Variants in MAP3K4 observed in about 807,000 individuals in gnomAD.
MAP3K4 encodes the protein MAP three kinase 1.
MAP3K4 carries 67 observed loss-of-function variants against 185.6 expected under a neutral mutation model. The observed-to-expected ratio is 0.36, with a 90% CI of 0.30 to 0.44. MAP3K4 has a LOEUF of 0.44. Ranked by LOEUF, MAP3K4 falls within the 20% of genes least tolerant of loss-of-function variation. The pLI is 1.00. For missense variants in MAP3K4, 1,551 were observed against 1,995.1 expected (o/e 0.78, Z 4.24); for synonymous variants, 702 against 710.4 (o/e 0.99, Z 0.19).
intron 4 of MAP3K4, among the ~76,000 whole-genome samples, chr6:161,072,741 A>G (rs1243452821): frequency 6.6e-6 from 1 of 152,180 alleles, no homozygotes; most frequent in Non-Finnish European, 1.5e-5. Context: ...GTGATCTCAT[A>G]TTACAGTCCC....
intron 2 of MAP3K4, among the ~76,000 whole-genome samples, chr6:161,046,601 T>G (rs983148493): frequency 6.6e-6 from 1 of 151,806 alleles, no homozygotes; most frequent in African/African-American, 2.4e-5. Context: ...AAACCTTTTT[T>G]GATGGATCAT....
chr6:161,018,969 A>T (rs548394793), intron 1 of MAP3K4, among the ~76,000 whole-genome samples: 2 of 152,250 alleles, frequency 1.3e-5, no homozygotes, highest in Non-Finnish European at 2.9e-5. Flanking sequence ...GAATTTAGGG[A>T]TATAGCAGTA....
chr6:161,039,198 A>C (rs1001194743), intron 2 of MAP3K4, among the ~76,000 whole-genome samples: 1 of 145,656 alleles, frequency 6.9e-6, no homozygotes. Context: ...TGCTACATGC[A>C]TTCATTGTAA....
Position 161,070,752 on chromosome 6 carries a change from G to C in MAP3K4, c.1852G>C (p.Val618Leu). 2 of 1,614,150 alleles carry C rather than the reference G, an allele frequency of 1.2e-6. No individual in the cohort carries two copies. Among genetic ancestry groups the C allele is most frequent in the Non-Finnish European group, 1.7e-6 (2 of 1,180,032 alleles). The part of the protein sequence containing the change: ...DLPSFEPAFL[V>L]LCRVLLNVIH... ...ACCTTCATTCGAACCTGCCTTCCTA[G>C]TTCTCTGCCGAGTCCTTCTGAATGT... The change falls in exon 4 of 27, where the codon GTT (valine) becomes CTT (leucine). Residue 618 changes from valine to leucine, a missense_variant. Val to Leu is a conservative substitution (Grantham distance 32). This residue lies in a region of MAP3K4 where 27 missense variants were observed against 64.4 expected (regional missense o/e 0.42). Transcript: ENST00000392142. This position sits in a 1 kb window ranked among gnomAD's most constrained non-coding sequence, Gnocchi z 4.5.
In MAP3K4 at chr6:161,000,409, A is replaced by G. The variant is rs1016092089; in HGVS notation, c.152+8326A>G. On this transcript the variant is annotated intron_variant, in intron 1 of 26. Transcript: ENST00000392142. ...AATGGAATTTTGAAGAAGCTCGGCAATACTTACTTCTTGAAGACAGCATTG... is the reference window on the plus strand; with the variant it reads ...AATGGAATTTTGAAGAAGCTCGGCAGTACTTACTTCTTGAAGACAGCATTG... Among the ~76,000 whole-genome samples the G allele has an allele frequency of 9.2e-5, 14 of 152,326 alleles. No individual in the cohort carries two copies. In the East Asian group the frequency reaches 2.7e-3, roughly 29 times the overall value.
At chr6:161,078,461 G>A (rs13194157) in intron 5 of MAP3K4, among the ~76,000 whole-genome samples, 131,367 of 152,226 alleles carry the variant, frequency 0.86, 56,796 homozygotes, top group East Asian at 0.99. Context: ...GAACAAAGGA[G>A]GGGGTTGTGA....
At position 161,096,118 on chromosome 6, in the gene MAP3K4, A is replaced by G. The variant is rs1777559652; in HGVS notation, c.3428-962A>G. ...ATGAATCAGAGACACAAATTGCCTG[A>G]GGGTTTTTTGTTAACAATCCCTTAA... On this transcript the variant is annotated intron_variant, in intron 15 of 26. Coordinates refer to ENST00000392142, the MANE Select transcript of MAP3K4 (RefSeq NM_005922.4). This position sits in a 1 kb window ranked among gnomAD's most constrained non-coding sequence, Gnocchi z 4.9. Among the ~76,000 whole-genome samples the G allele has an allele frequency of 6.6e-6, 1 of 152,072 alleles. No homozygotes were observed. Among genetic ancestry groups the G allele is most frequent in the African/African-American group, 2.4e-5 (1 of 41,406 alleles).
At chr6:161,072,977 A>T (rs1479608679) in intron 4 of MAP3K4, among the ~76,000 whole-genome samples, 2 of 152,078 alleles carry the variant, frequency 1.3e-5, no homozygotes, top group Admixed American at 1.3e-4. Flanking sequence ...TCATTATTTG[A>T]TGGTAGACTG....
chr6:161,044,951 T>A (rs748518567), intron 2 of MAP3K4, among the ~76,000 whole-genome samples: 9 of 152,076 alleles, frequency 5.9e-5, no homozygotes, highest in Non-Finnish European at 1.0e-4. Flanking sequence ...ACATCTCTCA[T>A]CAGGCCCCAC....
rs201798625 is a variant in MAP3K4 at position 161,093,047 on chromosome 6, T to C, written c.3339T>C (p.Asp1113=). 187 of 1,611,716 alleles carry C rather than the reference T, an allele frequency of 1.2e-4. No homozygotes were observed. Among genetic ancestry groups the C allele is most frequent in the Non-Finnish European group, 1.6e-4 (183 of 1,178,122 alleles). The change falls in exon 14 of 27, where the codon GAT becomes GAC. Residue 1113 remains aspartate, a synonymous_variant. Transcript: ENST00000392142. The surrounding 1 kb of genome is among the most constrained non-coding windows in gnomAD (Gnocchi z 5.2). ...EPAFISALPE[D]DFLSLQALMN... is the part of the protein sequence containing the mutation. ...CCTTTATTTCAGCTTTACCAGAAGATGACTTCTTGGTATGGATTATTCTAA... is the reference window on the plus strand; with the variant it reads ...CCTTTATTTCAGCTTTACCAGAAGACGACTTCTTGGTATGGATTATTCTAA...
rs1009726478 is a variant in MAP3K4, at chr6:161,107,671, A to G, written c.4049-228A>G. Among the ~76,000 whole-genome samples the G allele has an allele frequency of 2.0e-5, 3 of 152,208 alleles. No individual in the cohort carries two copies. The highest frequency in any genetic ancestry group is 4.4e-5 in the Non-Finnish European group (3 of 68,044). Reference sequence around the variant, plus strand: ...AATTTACCAAAGTCGGTTCTGCTCTATTTAAAGATACTTGTAGGTAAGACA... The same window carrying G: ...AATTTACCAAAGTCGGTTCTGCTCTGTTTAAAGATACTTGTAGGTAAGACA... On this transcript the variant is annotated intron_variant, in intron 20 of 26. Coordinates refer to ENST00000392142, the MANE Select transcript of MAP3K4 (RefSeq NM_005922.4). This position sits in a 1 kb window ranked among gnomAD's most constrained non-coding sequence, Gnocchi z 6.2.
intron 3 of MAP3K4, among the ~76,000 whole-genome samples, chr6:161,069,838 T>G (rs1784859783): frequency 6.6e-6 from 1 of 151,168 alleles, no homozygotes; most frequent in African/African-American, 2.4e-5. Context: ...AGAAGGTGGG[T>G]GAGGACCAAA....
In MAP3K4 at chr6:161,022,946, T is replaced by G. The variant is rs113005137; in HGVS notation, c.153-11313T>G. On this transcript the variant is annotated intron_variant, in intron 1 of 26. Transcript: ENST00000392142. The surrounding 1 kb of genome is among the most constrained non-coding windows in gnomAD (Gnocchi z 4.2). ...TGTTACAGTGAAAATTCTTCATAAC[T>G]TAATGGGTAACAAATTACAGAGCTG... Among the ~76,000 whole-genome samples, 517 of 152,292 alleles carry G rather than the reference T, an allele frequency of 3.4e-3. 4 individuals are homozygous for G. The highest frequency in any genetic ancestry group is 0.012 in the African/African-American group (493 of 41,568).
Position 161,034,402 on chromosome 6 carries a change from A to G in MAP3K4, c.296A>G (p.His99Arg). The change falls in exon 2 of 27, where the codon CAT (histidine) becomes CGT (arginine). Residue 99 changes from histidine (H) to arginine (R), a missense_variant. His to Arg is a conservative substitution (Grantham distance 29, BLOSUM62 0). Coordinates refer to ENST00000392142, the MANE Select transcript of MAP3K4 (RefSeq NM_005922.4). This position sits in a 1 kb window ranked among gnomAD's most constrained non-coding sequence, Gnocchi z 4.4. ...PRQMKRMSTK[H>R]QRNNVGRPAS... Reference sequence around the variant, plus strand: ...CAGATGAAACGCATGTCAACCAAACATCAGAGGAATAATGTGGGGAGGCCA... The same window carrying G: ...CAGATGAAACGCATGTCAACCAAACGTCAGAGGAATAATGTGGGGAGGCCA... 3.7e-6 allele frequency: 6 copies of G among 1,613,948 alleles called. No individual in the cohort carries two copies. Among genetic ancestry groups the G allele is most frequent in the Non-Finnish European group, 4.2e-6 (5 of 1,179,868 alleles).
chr6:161,091,916 G>T lies in MAP3K4; in HGVS notation c.3136-94G>T. The stretch of plus-strand genomic sequence containing the variant: ...AAATTTTAATTGGATTTCACTTTTT[G>T]TTTTTAGAAAACATTTTAGACATGG... On this transcript the variant is annotated intron_variant, in intron 12 of 26. Coordinates refer to ENST00000392142, the MANE Select transcript of MAP3K4 (RefSeq NM_005922.4). The surrounding 1 kb of genome is among the most constrained non-coding windows in gnomAD (Gnocchi z 5.5). 3 of 1,076,752 alleles carry T rather than the reference G, an allele frequency of 2.8e-6. No individual in the cohort carries two copies. The highest frequency in any genetic ancestry group is 3.2e-5 in the South Asian group (2 of 61,990). 66.7% of individuals were successfully genotyped at this position (1,076,752 alleles called of 1,614,324 possible).
Position 161,116,459 on chromosome 6 carries a change from G to A in MAP3K4, c.4807-391G>A, listed in dbSNP as rs1009851299. The stretch of plus-strand genomic sequence containing the variant: ...AGGAGAGAGTCCCTGGGAAAGGAAA[G>A]GAAGGGGCAGAAGAGTGGGGTGATG... On this transcript the variant is annotated intron_variant, in intron 26 of 26. Coordinates refer to ENST00000392142, the MANE Select transcript of MAP3K4 (RefSeq NM_005922.4). The surrounding 1 kb of genome is among the most constrained non-coding windows in gnomAD (Gnocchi z 6.2). Among the ~76,000 whole-genome samples, 4 of 152,096 alleles carry A rather than the reference G, an allele frequency of 2.6e-5. No homozygotes were observed. Among genetic ancestry groups the A allele is most frequent in the African/African-American group, 9.7e-5 (4 of 41,402 alleles).
At chr6:161,104,239 A>AC (rs1417839183) in intron 19 of MAP3K4, among the ~76,000 whole-genome samples, 1 of 151,342 alleles carries the variant, frequency 6.6e-6, no homozygotes, top group African/African-American at 2.4e-5. Context: ...ACATGGAGAA[A>AC]CCCCATCTCT....
intron 18 of MAP3K4, among the ~76,000 whole-genome samples, chr6:161,102,279 T>C (rs1445405605): frequency 2.6e-5 from 4 of 152,222 alleles, no homozygotes; most frequent in Admixed American, 2.0e-4. Flanking sequence ...TTGAATACTT[T>C]TATTCATTTA....
intron 2 of MAP3K4, among the ~76,000 whole-genome samples, chr6:161,041,926 C>CTTTTTTTTTTTTTT (rs869273927): frequency 4.4e-5 from 2 of 45,220 alleles, no homozygotes; most frequent in South Asian, 9.5e-4. Flanking sequence ...TTTTTTTTTT[C>CTTTTTTTTTTTTTT]TTTTTTTTTT....
Sources: gnomAD v4.1 joint callset for allele counts (sites outside exome capture counted in the v4.1 genomes callset) on GRCh38, gnomAD v4.1.1 for gene constraint, gnomAD v4.1.1 regional missense constraint, Gnocchi (gnomAD v3.1) non-coding constraint, MANE v1.5 for transcripts, NCBI Gene and HGNC (gene_info 2026-07-23, HGNC 2026-07-21) for gene names.